Variants in SCART1 observed in about 807,000 individuals in gnomAD.
SCART1 encodes scavenger receptor family member expressed on T cells 1, also known as scavenger receptor cysteine-rich domain-containing protein SCART1.
A neutral mutation model predicts 36.2 loss-of-function variants in SCART1; 62 were observed. The ratio of observed to expected loss-of-function variants is 1.71; its 90% CI spans 1.40 to 2.12. The LOEUF (loss-of-function observed/expected upper bound fraction) is 2.12, where lower values mean the gene tolerates loss of function less well. Among genes scored for constraint, SCART1 ranks in the 30% most tolerant of loss-of-function variants. SCART1 has a pLI of 0.00. For missense variants in SCART1, 1,041 were observed against 540.5 expected (o/e 1.93, Z -9.18); for synonymous variants, 487 against 238.7 (o/e 2.04, Z -9.59).
At chr10:133,454,202 G>T in intron 1 of SCART1, 138 bp downstream of exon 1, 1 of 654,674 alleles carries the variant, frequency 1.5e-6, no homozygotes, top group Non-Finnish European at 2.8e-6. Flanking sequence ...GGTGGGACAT[G>T]CTGGGGCAGG....
intron 1 of SCART1, among the ~76,000 whole-genome samples, chr10:133,454,474 A>G (rs1850584291): frequency 6.6e-6 from 1 of 152,102 alleles, no homozygotes; most frequent in African/African-American, 2.4e-5. Flanking sequence ...GAGGTTGAGC[A>G]TGGGGTCCCA....
intron 2 of SCART1, 31 bp downstream of exon 2, chr10:133,456,585 T>TGAGGAG (rs758508727): frequency 1.6e-6 from 1 of 616,562 alleles, no homozygotes; most frequent in South Asian, 1.8e-5. Flanking sequence ...GGGACGGGGC[T>TGAGGAG]GAGGAGGAGG....
intron 6 of SCART1, among the ~76,000 whole-genome samples, chr10:133,463,457 C>A (rs1006119929): frequency 6.6e-6 from 1 of 151,652 alleles, no homozygotes; most frequent in Non-Finnish European, 1.5e-5. Flanking sequence ...CCCATTCCCC[C>A]ACCACCTGCC....
exon 9 of SCART1, chr10:133,465,441 C>T (rs1365054824): frequency 3.9e-5 from 21 of 545,368 alleles, no homozygotes; most frequent in Non-Finnish European, 5.7e-5. Context: ...GCCCTGGCTC[C>T]GGGCCCGTGT....
chr10:133,467,520 C>T (rs1397845596), intron 11 of SCART1, among the ~76,000 whole-genome samples, 167 bp downstream of exon 11: 1 of 152,140 alleles, frequency 6.6e-6, no homozygotes, highest in African/African-American at 2.4e-5. Context: ...AGCAGGGCCA[C>T]ACCCATGAGG....
intron 6 of SCART1, chr10:133,464,369 G>A: frequency 2.1e-6 from 1 of 477,080 alleles, no homozygotes; most frequent in Non-Finnish European, 3.7e-6. Flanking sequence ...TGGGCGTGCA[G>A]TGAACCTGGG....
chr10:133,463,834 A>G (rs1253866583), intron 6 of SCART1, among the ~76,000 whole-genome samples: 1 of 152,086 alleles, frequency 6.6e-6, no homozygotes, highest in East Asian at 1.9e-4. Flanking sequence ...GGAACATTCA[A>G]TATCCTCCTT....
At chr10:133,465,968 C>A (rs1001558355) in intron 9 of SCART1, 8 of 671,110 alleles carry the variant, frequency 1.2e-5, no homozygotes, top group Admixed American at 2.1e-5. Context: ...CTCTGGTCAC[C>A]TCTTGTGACT....
chr10:133,460,493 TATA>T, intron 6 of SCART1, among the ~76,000 whole-genome samples: 1 of 144,560 alleles, frequency 6.9e-6, no homozygotes, highest in South Asian at 2.3e-4. Context: ...TATATATTTA[TATA>T]TTTTAAAAAA....
intron 6 of SCART1, among the ~76,000 whole-genome samples, chr10:133,461,175 G>A (rs1317936704): frequency 1.3e-5 from 2 of 152,084 alleles, no homozygotes; most frequent in African/African-American, 4.8e-5. Context: ...CATTTTGGGG[G>A]ATGGGTTCTC....
rs555240646 is a variant in SCART1 at position 133,463,387 on chromosome 10, T to C, written c.1970-1219T>C. On this transcript the variant is annotated intron_variant, in intron 6 of 11. Transcript: ENST00000640237. The stretch of plus-strand genomic sequence containing the variant: ...ATTATTAACTACATTCCTCCTGCTG[T>C]ATGTTGGGTTTCTAGATTTATTCAT... 4.9e-4 allele frequency among the ~76,000 whole-genome samples: 74 copies of C among 152,310 alleles called. 1 individual carries two copies. Among genetic ancestry groups the C allele is most frequent in the Middle Eastern group, 3.4e-3 (1 of 294 alleles).
At chr10:133,454,329 C>T (rs1054613562) in intron 1 of SCART1, among the ~76,000 whole-genome samples, 8 of 152,172 alleles carry the variant, frequency 5.3e-5, no homozygotes, top group African/African-American at 1.4e-4. Flanking sequence ...ATGAGGGACA[C>T]GGCCCAGTGT....
intron 6 of SCART1, among the ~76,000 whole-genome samples, chr10:133,461,800 G>T (rs1229355686): frequency 6.6e-6 from 1 of 152,180 alleles, no homozygotes; most frequent in Non-Finnish European, 1.5e-5. Flanking sequence ...AGAACATTCT[G>T]CTGGTTTCTG....
At chr10:133,458,875 C>T in intron 4 of SCART1, 146 bp from the exon 5 acceptor site, 1 of 631,732 alleles carries the variant, frequency 1.6e-6, no homozygotes, top group East Asian at 2.7e-5. Flanking sequence ...GAGCTGGATG[C>T]TGATGCAGAG....
chr10:133,465,247 G>A lies in SCART1; in HGVS notation c.2345-4G>A. ...CCCCGCAGTGACCGCAGCCCCTTTT[G>A]CAGAGGAGGGCGCACTGCGCGTGCG... On this transcript the variant is annotated splice_region_variant and splice_polypyrimidine_tract_variant and intron_variant, in intron 8 of 11. Transcript: ENST00000640237. 1.4e-6 allele frequency: 1 copy of A among 697,072 alleles called. No homozygotes were observed. Among genetic ancestry groups the A allele is most frequent in the Non-Finnish European group, 2.6e-6 (1 of 380,658 alleles). The allele number at this position is 697,072 out of a possible 1,614,324, so 43.2% of individuals were successfully genotyped here.
Position 133,466,375 on chromosome 10 carries a change from C to T in SCART1, c.2800C>T (p.Gln934Ter). The change falls in exon 10 of 12, where the codon CAG becomes TAG. Residue 934 changes from glutamine (Q) to a stop codon, truncating the protein, a stop_gained. Transcript: ENST00000640237. LOFTEE classifies it high-confidence loss of function. ...TCTGCCTCGAGTCACACAAGCCATG[C>T]AGAGGGGTAAGCGTGAGCCCACCCT... 1.4e-6 allele frequency: 1 copy of T among 702,626 alleles called. No homozygotes were observed. The highest frequency in any genetic ancestry group is 2.6e-6 in the Non-Finnish European group (1 of 384,772). The allele number at this position is 702,626 out of a possible 1,614,324, so 43.5% of individuals were successfully genotyped here. A position where few individuals can be genotyped will look rare whatever the true frequency, so the allele number is the denominator to read the frequency against.
At position 133,466,636 on chromosome 10, in the gene SCART1, C is replaced by T. The variant is rs143041275; in HGVS notation, c.2806+255C>T. On this transcript the variant is annotated intron_variant, in intron 10 of 11. Coordinates refer to ENST00000640237, the Ensembl canonical transcript of SCART1. Reference sequence around the variant, plus strand: ...TGCCTTGGATGGCCTCTAGCTGAGACGGTGGATGCCCATATTATCATCCCT... The same window carrying T: ...TGCCTTGGATGGCCTCTAGCTGAGATGGTGGATGCCCATATTATCATCCCT... Among the ~76,000 whole-genome samples the T allele has an allele frequency of 7.4e-3, 1,130 of 152,338 alleles. 7 individuals are homozygous for T. Among genetic ancestry groups the T allele is most frequent in the African/African-American group, 0.023 (973 of 41,570 alleles).
intron 3 of SCART1, 128 bp downstream of exon 3, chr10:133,457,703 C>T (rs551535940): frequency 5.8e-5 from 33 of 572,314 alleles, no homozygotes; most frequent in Non-Finnish European, 8.6e-5. Flanking sequence ...AGACATTGGG[C>T]GCAGAGGTGG....
chr10:133,460,599 CA>C (rs1209237553), intron 6 of SCART1, among the ~76,000 whole-genome samples: 4 of 149,514 alleles, frequency 2.7e-5, no homozygotes, highest in Non-Finnish European at 5.9e-5. Context: ...GCAGTGGCCC[CA>C]TCACCGGTCA....
Sources: gnomAD v4.1 joint callset for allele counts (sites outside exome capture counted in the v4.1 genomes callset) on GRCh38, gnomAD v4.1.1 for gene constraint, MANE v1.5 for transcripts, NCBI Gene and HGNC (gene_info 2026-07-23, HGNC 2026-07-21) for gene names.